CELF2: variants seen among roughly 807,000 people sequenced by gnomAD.
CELF2 encodes CUGBP Elav-like family member 2, also known as CUG triplet repeat RNA-binding protein 2.
Under a neutral mutation model 62.6 loss-of-function variants are expected in CELF2, and 8 were observed. That is an observed-to-expected ratio of 0.13 (90% CI 0.07 to 0.23). The LOEUF is 0.23. Among genes scored for constraint, CELF2 ranks in the 10% least tolerant of loss-of-function variants. The pLI, the probability that CELF2 is intolerant of heterozygous loss-of-function variation, is 1.00. For synonymous variants in CELF2, 258 were observed against 250.0 expected, an observed-to-expected ratio of 1.03 and a Z score of -0.30; for missense variants, 333 against 671.0, an observed-to-expected ratio of 0.50 and a Z score of 5.56.
At chr10:11,322,980 G>GTT (rs1209964298) in intron 11 of CELF2, among the ~76,000 whole-genome samples, 1 of 152,132 alleles carries the variant, frequency 6.6e-6, no homozygotes, top group Non-Finnish European at 1.5e-5. Context: ...CAGAAGGCCA[G>GTT]TTCCCCACAT....
the CELF2 span, among the ~76,000 whole-genome samples, chr10:10,595,848 A>G: frequency 2.4e-4 from 37 of 152,166 alleles, no homozygotes; most frequent in African/African-American, 8.2e-4. Context: ...GTGAGGTGAG[A>G]TGGCGCCACT....
At chr10:11,041,437 A>G (rs2061831612) in intron 1 of CELF2, among the ~76,000 whole-genome samples, 1 of 152,204 alleles carries the variant, frequency 6.6e-6, no homozygotes, top group South Asian at 2.1e-4. Flanking sequence ...TGGTGTCTAA[A>G]CACACATGCC....
chr10:10,779,768 G>A, the CELF2 span, among the ~76,000 whole-genome samples: 1 of 152,020 alleles, frequency 6.6e-6, no homozygotes, highest in Non-Finnish European at 1.5e-5. Context: ...ATGCTAAAGT[G>A]CAGTCAGTAT....
chr10:10,501,101 T>C, the CELF2 span, among the ~76,000 whole-genome samples: 1 of 152,246 alleles, frequency 6.6e-6, no homozygotes, highest in Non-Finnish European at 1.5e-5. Flanking sequence ...CAGTTTTTTG[T>C]GTGAACATAG....
In CELF2 at chr10:10,932,700, A is replaced by ATATATG. The variant is rs2066208860; in HGVS notation, c.89+12705_89+12710dup. Among the ~76,000 whole-genome samples, 3 of 132,942 alleles carry ATATATG rather than the reference A, an allele frequency of 2.3e-5. No homozygotes were observed. The South Asian group carries it at 8.7e-4, about 39-fold the overall frequency. The allele number at this position is 132,942 out of a possible 152,430, so 87.2% of individuals were successfully genotyped here. A position where few individuals can be genotyped will look rare whatever the true frequency, so the allele number is the denominator to read the frequency against. ...TATGTGTGTGTGTGTGTGTGTATAT[A>ATATATG]TATATGTATGTATAATACATTAAGT... On this transcript the variant is annotated intron_variant, in intron 2 of 13. Transcript: ENST00000636488.
the CELF2 span, among the ~76,000 whole-genome samples, chr10:10,773,005 T>C: frequency 1.3e-5 from 2 of 152,336 alleles, no homozygotes; most frequent in Admixed American, 1.3e-4. Flanking sequence ...CCTTTAAAGA[T>C]GTATATTGTC....
the CELF2 span, among the ~76,000 whole-genome samples, chr10:10,792,881 T>C: frequency 2.0e-5 from 3 of 152,298 alleles, no homozygotes; most frequent in South Asian, 6.2e-4. Context: ...GTGAGTCTCC[T>C]TCCTCTCTTC....
the CELF2 span, among the ~76,000 whole-genome samples, chr10:10,730,242 C>T: frequency 2.0e-5 from 3 of 152,078 alleles, no homozygotes; most frequent in Non-Finnish European, 2.9e-5. Context: ...TTTGGGAGGC[C>T]AAAGTAGGTG....
chr10:11,273,604 A>T (rs2084722605), intron 7 of CELF2, among the ~76,000 whole-genome samples: 1 of 152,144 alleles, frequency 6.6e-6, no homozygotes, highest in Non-Finnish European at 1.5e-5. Flanking sequence ...TCCATTTTCG[A>T]GTCATATCCA....
Position 11,080,350 on chromosome 10 carries a change from G to T in CELF2, c.74+62187G>T, listed in dbSNP as rs578036406. On this transcript the variant is annotated intron_variant, in intron 1 of 12. Coordinates refer to ENST00000633077, the MANE Select transcript of CELF2 (RefSeq NM_001326342.2). Reference sequence around the variant, plus strand: ...AATTTCTTATAAGCACCTAGTTCCTGGACCATCCTAGGTGCTTAGTAAACA... The same window carrying T: ...AATTTCTTATAAGCACCTAGTTCCTTGACCATCCTAGGTGCTTAGTAAACA... 2.6e-5 allele frequency among the ~76,000 whole-genome samples: 4 copies of T among 152,200 alleles called. No homozygotes were observed. The East Asian group carries it at 7.7e-4, about 29-fold the overall frequency.
the CELF2 span, among the ~76,000 whole-genome samples, chr10:10,589,525 T>C: frequency 2.0e-5 from 3 of 152,182 alleles, no homozygotes; most frequent in Non-Finnish European, 4.4e-5. Context: ...TTAATTTTTG[T>C]TTCCAATTCG....
chr10:10,984,626 T>A (rs1454195142), intron 2 of CELF2, among the ~76,000 whole-genome samples: 1 of 152,212 alleles, frequency 6.6e-6, no homozygotes, highest in Non-Finnish European at 1.5e-5. Context: ...ATGCCCTCCC[T>A]TTAAAGAAAC....
chr10:10,958,950 T>C (rs1348355627), intron 2 of CELF2, among the ~76,000 whole-genome samples: 1 of 152,074 alleles, frequency 6.6e-6, no homozygotes, highest in Non-Finnish European at 1.5e-5. Context: ...AAACATTTTT[T>C]CAGTATCAAG....
At chr10:10,775,118 C>A in the CELF2 span, among the ~76,000 whole-genome samples, 1 of 152,106 alleles carries the variant, frequency 6.6e-6, no homozygotes, top group Admixed American at 6.5e-5. Context: ...CTCAGGTGAT[C>A]CACCGGCCTC....
chr10:11,277,643 A>C (rs1343251535), intron 8 of CELF2, among the ~76,000 whole-genome samples: 1 of 152,272 alleles, frequency 6.6e-6, no homozygotes, highest in Non-Finnish European at 1.5e-5. Context: ...GACTTCAGCA[A>C]TATGTATAAA....
rs140274591 is a variant in CELF2 at position 11,194,671 on chromosome 10, A to G, written c.272-22754A>G. Among the ~76,000 whole-genome samples the G allele has an allele frequency of 5.0e-3, 768 of 152,348 alleles. 19 individuals carry two copies. Among genetic ancestry groups the G allele is most frequent in the Admixed American group, 0.044 (678 of 15,302 alleles). ...GTTATTATCAGCAAAGATCAGTGAC[A>G]TGTTAATATATTCGGCTATTTTACT... On this transcript the variant is annotated intron_variant, in intron 2 of 12. Transcript: ENST00000633077.
rs900210288 is a variant in CELF2, at chr10:10,947,810, T to C, written c.89+27811T>C. ...CATTTGAGGAGAGAGAAAATGCTTC[T>C]AGTATGGGGCCATAGGAAAGTCTTC... On this transcript the variant is annotated intron_variant, in intron 2 of 13. Transcript: ENST00000636488. The surrounding 1 kb of genome is among the most constrained non-coding windows in gnomAD (Gnocchi z 4.1). 2.6e-5 allele frequency among the ~76,000 whole-genome samples: 4 copies of C among 152,194 alleles called. No individual in the cohort carries two copies. Among genetic ancestry groups the C allele is most frequent in the African/African-American group, 9.7e-5 (4 of 41,434 alleles).
intron 1 of CELF2, among the ~76,000 whole-genome samples, chr10:10,878,628 T>G (rs755779697): frequency 1.3e-5 from 2 of 152,190 alleles, no homozygotes; most frequent in Non-Finnish European, 2.9e-5. Flanking sequence ...CCTCTCAAGT[T>G]GGTCATTTGT....
the CELF2 span, among the ~76,000 whole-genome samples, chr10:10,532,711 T>G: frequency 1.3e-5 from 2 of 152,202 alleles, no homozygotes; most frequent in Non-Finnish European, 2.9e-5. Context: ...TTCCAAATTT[T>G]GTATCTCTTT....
Sources: gnomAD v4.1 joint callset for allele counts (sites outside exome capture counted in the v4.1 genomes callset) on GRCh38, gnomAD v4.1.1 for gene constraint, Gnocchi (gnomAD v3.1) non-coding constraint, MANE v1.5 for transcripts, NCBI Gene and HGNC (gene_info 2026-07-23, HGNC 2026-07-21) for gene names.